WNT9B: variants seen among roughly 807,000 people sequenced by gnomAD.
WNT9B encodes protein Wnt-9b.
A neutral mutation model predicts 30.2 loss-of-function variants in WNT9B; 12 were observed. The ratio of observed to expected loss-of-function variants is 0.40; its 90% CI spans 0.26 to 0.64. WNT9B has a LOEUF of 0.64. Ranked by LOEUF, WNT9B falls within the 30% of genes least tolerant of loss-of-function variation. WNT9B has a pLI of 0.42. For synonymous variants in WNT9B, 218 were observed against 216.9 expected, an observed-to-expected ratio of 1.01 and a Z score of -0.05; for missense variants, 442 against 485.2, an observed-to-expected ratio of 0.91 and a Z score of 0.84.
intron 1 of WNT9B, among the ~76,000 whole-genome samples, chr17:46,860,559 T>C (rs981518927): frequency 5.3e-5 from 8 of 152,252 alleles, no homozygotes; most frequent in African/African-American, 1.7e-4. Flanking sequence ...AATGGGATAA[T>C]CTTGATCTCT....
intron 1 of WNT9B, among the ~76,000 whole-genome samples, chr17:46,837,343 C>T (rs78389497): frequency 0.012 from 1,800 of 152,298 alleles, 30 homozygotes; most frequent in African/African-American, 0.041. Flanking sequence ...TGATAACCTA[C>T]TCATGGAGCC....
chr17:46,836,095 C>CAT (rs771533837), intron 1 of WNT9B, among the ~76,000 whole-genome samples: 2 of 126,434 alleles, frequency 1.6e-5, no homozygotes, highest in Non-Finnish European at 3.2e-5. Flanking sequence ...GAGACGCTGA[C>CAT]GTGTGTGTGT....
chr17:46,876,376 G>A lies in WNT9B; in HGVS notation c.732G>A (p.Ser244=), dbSNP rs367629001. The change falls in exon 4 of 4, where the codon TCG becomes TCA. Residue 244 remains serine, a synonymous_variant. Transcript: ENST00000290015. The part of the protein sequence containing the change: ...TGQVLKLRYD[S]AVKVSSATNE... ...AGGTGCTGAAACTGCGCTATGACTC[G>A]GCTGTCAAGGTGTCCAGTGCCACCA... The A allele has an allele frequency of 1.8e-5, 29 of 1,613,836 alleles. No individual in the cohort carries two copies. In the Admixed American group the frequency reaches 2.8e-4, roughly 16 times the overall value.
chr17:46,882,778 G>A (rs1170193605), downstream of WNT9B, among the ~76,000 whole-genome samples: 1 of 152,184 alleles, frequency 6.6e-6, no homozygotes, highest in Admixed American at 6.5e-5. Context: ...CAGGGTCCTA[G>A]ATGCCATGGT....
chr17:46,850,577 C>A (rs992454091), upstream of WNT9B, among the ~76,000 whole-genome samples: 1 of 152,186 alleles, frequency 6.6e-6, no homozygotes, highest in Non-Finnish European at 1.5e-5. Context: ...ACATTCATTG[C>A]AAGTTATATT....
At chr17:46,850,112 A>C (rs571354268), upstream of WNT9B, among the ~76,000 whole-genome samples, 10 of 152,306 alleles carry the variant, frequency 6.6e-5, no homozygotes, top group Middle Eastern at 3.4e-3. Context: ...GGCCTCCCAA[A>C]GTGCTGGGAT....
intron 1 of WNT9B, among the ~76,000 whole-genome samples, chr17:46,861,669 C>T (rs2146568922): frequency 6.6e-6 from 1 of 152,304 alleles, no homozygotes; most frequent in East Asian, 1.9e-4. Flanking sequence ...CTCTTCTACA[C>T]CCAAGCCCCT....
At chr17:46,847,837 G>A (rs879054240), upstream of WNT9B, among the ~76,000 whole-genome samples, 1 of 152,214 alleles carries the variant, frequency 6.6e-6, no homozygotes, top group African/African-American at 2.4e-5. Context: ...CTGAGGGTTT[G>A]TTTCAGGCAG....
chr17:46,877,884 G>T lies in WNT9B; in HGVS notation c.*1166G>T, dbSNP rs910638130. The stretch of plus-strand genomic sequence containing the variant: ...CCTGGCTCCTGGGTAGCCTCCTTCA[G>T]TTCCTAATGGCCTCTCACTTGGCCC... On this transcript the variant is annotated 3_prime_UTR_variant, in exon 4 of 4. Coordinates refer to ENST00000290015, the MANE Select transcript of WNT9B (RefSeq NM_003396.3). 1.3e-5 allele frequency among the ~76,000 whole-genome samples: 2 copies of T among 152,234 alleles called. No homozygotes were observed. Among genetic ancestry groups the T allele is most frequent in the Non-Finnish European group, 2.9e-5 (2 of 68,038 alleles).
At position 46,879,646 on chromosome 17, in the gene WNT9B, TCA is replaced by T. The variant is rs781018268; in HGVS notation, c.*2932_*2933del. ...CAGAGATGGAGAGCTGTGCTCAAAG[TCA>T]CACCTAAGAGACTTGTTCAATGAAT... On this transcript the variant is annotated 3_prime_UTR_variant, in exon 4 of 4. Coordinates refer to ENST00000290015, the MANE Select transcript of WNT9B (RefSeq NM_003396.3). Among the ~76,000 whole-genome samples, 146 of 152,328 alleles carry T rather than the reference TCA, an allele frequency of 9.6e-4. No homozygotes were observed. Among genetic ancestry groups the T allele is most frequent in the Non-Finnish European group, 7.2e-4 (49 of 68,034 alleles).
intron 1 of WNT9B, among the ~76,000 whole-genome samples, chr17:46,866,073 T>C (rs2085128924): frequency 6.6e-6 from 1 of 152,078 alleles, no homozygotes; most frequent in Non-Finnish European, 1.5e-5. Context: ...CAGGACGTCA[T>C]GGAGGAGGTG....
chr17:46,858,489 TATTTTA>T (rs2084977302), intron 1 of WNT9B, among the ~76,000 whole-genome samples: 1 of 152,056 alleles, frequency 6.6e-6, no homozygotes, highest in African/African-American at 2.4e-5. Context: ...TATTTTATTT[TATTTTA>T]TTTTTTGGAG....
intron 1 of WNT9B, among the ~76,000 whole-genome samples, chr17:46,839,968 C>CTTTCTTTT (rs1464815842): frequency 7.3e-6 from 1 of 136,872 alleles, no homozygotes; most frequent in Non-Finnish European, 1.6e-5. Flanking sequence ...TTCTTTCTTT[C>CTTTCTTTT]TTTCTTTCTC....
chr17:46,861,063 T>G (rs1423512027), intron 1 of WNT9B, among the ~76,000 whole-genome samples: 1 of 152,190 alleles, frequency 6.6e-6, no homozygotes, highest in Admixed American at 6.5e-5. Context: ...GGGGGGAAAC[T>G]GTCAGAATCC....
chr17:46,866,393 TG>T (rs1389526534), intron 1 of WNT9B, among the ~76,000 whole-genome samples: 1 of 151,808 alleles, frequency 6.6e-6, no homozygotes, highest in Non-Finnish European at 1.5e-5. Flanking sequence ...AATGTGTGTA[TG>T]TGTGAGAGTG....
At chr17:46,844,088 G>A (rs973530701) in intron 1 of WNT9B, among the ~76,000 whole-genome samples, 1 of 152,062 alleles carries the variant, frequency 6.6e-6, no homozygotes, top group Non-Finnish European at 1.5e-5. Flanking sequence ...AGGGTAGCTG[G>A]GACTACAGGC....
At position 46,851,836 on chromosome 17, in the gene WNT9B, C is replaced by G. The variant is rs1485799911; in HGVS notation, c.77+121C>G. On this transcript the variant is annotated intron_variant, in intron 1 of 3. Coordinates refer to ENST00000290015, the MANE Select transcript of WNT9B (RefSeq NM_003396.3). The surrounding 1 kb of genome is among the most constrained non-coding windows in gnomAD (Gnocchi z 4.3). The stretch of plus-strand genomic sequence containing the variant: ...GCCCCGCCGAGGTCTCGAACTCAGA[C>G]CCTAGCCCGGCGCGACCCAACCCAC... 4 of 470,122 alleles carry G rather than the reference C, an allele frequency of 8.5e-6. No homozygotes were observed. The highest frequency in any genetic ancestry group is 1.3e-5 in the Non-Finnish European group (4 of 297,960). 29.1% of individuals were successfully genotyped at this position (470,122 alleles called of 1,614,324 possible). A position where few individuals can be genotyped will look rare whatever the true frequency, so the allele number is the denominator to read the frequency against.
chr17:46,858,078 C>T (rs540732210), intron 1 of WNT9B, among the ~76,000 whole-genome samples: 57 of 152,192 alleles, frequency 3.7e-4, no homozygotes, highest in Admixed American at 2.4e-3. Context: ...TACAGGCATG[C>T]GCCACCATGC....
Position 46,872,541 on chromosome 17 carries a change from G to A in WNT9B, c.102G>A (p.Thr34=), listed in dbSNP as rs560440457. The A allele has an allele frequency of 1.6e-5, 25 of 1,558,750 alleles. No homozygotes were observed. The highest frequency in any genetic ancestry group is 3.6e-4 in the Middle Eastern group (2 of 5,546). Residue 34 remains threonine, a synonymous_variant, in exon 2 of 4, where the codon ACG becomes ACA. Coordinates refer to ENST00000290015, the MANE Select transcript of WNT9B (RefSeq NM_003396.3). Reference sequence around the variant, plus strand: ...GCCTGACCGGGCGGGAAGTCCTGACGCCCTTCCCAGGATTGGGCACTGCGG... The same window carrying A: ...GCCTGACCGGGCGGGAAGTCCTGACACCCTTCCCAGGATTGGGCACTGCGG... ...YFGLTGREVL[T]PFPGLGTAAA...
Sources: gnomAD v4.1 joint callset for allele counts (sites outside exome capture counted in the v4.1 genomes callset) on GRCh38, gnomAD v4.1.1 for gene constraint, Gnocchi (gnomAD v3.1) non-coding constraint, MANE v1.5 for transcripts, NCBI Gene and HGNC (gene_info 2026-07-23, HGNC 2026-07-21) for gene names.